Variants in RGS7 observed in about 807,000 individuals in gnomAD.
The protein encoded by RGS7 is regulator of G-protein signaling 7.
In RGS7, 27 loss-of-function variants were observed where a neutral mutation model predicts 81.1. That is an observed-to-expected ratio of 0.33 (90% CI 0.25 to 0.46). The LOEUF (loss-of-function observed/expected upper bound fraction) is 0.46. Among genes scored for constraint, RGS7 ranks in the 20% least tolerant of loss-of-function variants. The pLI is 1.00. For synonymous variants in RGS7, 208 were observed against 207.7 expected, an observed-to-expected ratio of 1.00 and a Z score of -0.01; for missense variants, 396 against 607.4, an observed-to-expected ratio of 0.65 and a Z score of 3.66.
chr1:241,089,019 C>CTCTCTCTCTCT (rs1558700011), intron 3 of RGS7, among the ~76,000 whole-genome samples: 4 of 105,066 alleles, frequency 3.8e-5, no homozygotes, highest in East Asian at 2.5e-4. Flanking sequence ...GAGCAAGACT[C>CTCTCTCTCTCT]CATCTCTCTC....
chr1:241,222,673 C>G (rs764051419), intron 2 of RGS7, among the ~76,000 whole-genome samples: 1 of 152,198 alleles, frequency 6.6e-6, no homozygotes, highest in Non-Finnish European at 1.5e-5. Flanking sequence ...ATGATTCTCA[C>G]ATTTTAAATG....
chr1:241,110,169 A>G (rs917784256), intron 2 of RGS7, among the ~76,000 whole-genome samples: 1 of 152,152 alleles, frequency 6.6e-6, no homozygotes, highest in African/African-American at 2.4e-5. Context: ...ATCTCTTTTT[A>G]CAACCTTTTA....
At chr1:241,013,850 G>A (rs763215376) in intron 3 of RGS7, among the ~76,000 whole-genome samples, 2 of 152,190 alleles carry the variant, frequency 1.3e-5, no homozygotes, top group African/African-American at 4.8e-5. Flanking sequence ...TATCATGTTC[G>A]TAAAAGACAT....
intron 3 of RGS7, among the ~76,000 whole-genome samples, chr1:241,081,131 G>A (rs1057053953): frequency 6.6e-6 from 1 of 152,092 alleles, no homozygotes; most frequent in Non-Finnish European, 1.5e-5. Context: ...TGCTGAACCT[G>A]CCCTCCCAAA....
chr1:240,908,132 G>T (rs1447271228), intron 6 of RGS7, among the ~76,000 whole-genome samples: 5 of 149,578 alleles, frequency 3.3e-5, no homozygotes, highest in African/African-American at 1.2e-4. Context: ...CTCACTCGTA[G>T]GTGGGAACTG....
chr1:240,994,966 G>GC (rs1687050793), intron 3 of RGS7, among the ~76,000 whole-genome samples: 1 of 152,080 alleles, frequency 6.6e-6, no homozygotes, highest in East Asian at 1.9e-4. Flanking sequence ...ATGAACCACA[G>GC]CACCTGGCCT....
intron 2 of RGS7, among the ~76,000 whole-genome samples, chr1:241,312,283 A>T (rs1375562241): frequency 6.6e-6 from 1 of 152,234 alleles, no homozygotes; most frequent in Non-Finnish European, 1.5e-5. Flanking sequence ...CTAGTGAGAG[A>T]AACAGACTAC....
At chr1:241,007,654 T>C (rs191996439) in intron 3 of RGS7, among the ~76,000 whole-genome samples, 104 of 152,320 alleles carry the variant, frequency 6.8e-4, no homozygotes, top group African/African-American at 2.4e-3. Flanking sequence ...GTATGTGTAT[T>C]CCTTATTTTT....
At chr1:240,852,900 G>A (rs144040862) in intron 9 of RGS7, among the ~76,000 whole-genome samples, 1 of 152,316 alleles carries the variant, frequency 6.6e-6, no homozygotes, top group East Asian at 1.9e-4. Flanking sequence ...GAAACTTGAT[G>A]AAGGAAAAGA....
intron 6 of RGS7, among the ~76,000 whole-genome samples, chr1:240,874,581 T>A (rs1665040443): frequency 1.3e-5 from 2 of 152,228 alleles, no homozygotes; most frequent in Admixed American, 6.5e-5. Context: ...TATTTTAACA[T>A]TAAAAATTTT....
chr1:240,937,440 C>A (rs1286720871), intron 4 of RGS7, among the ~76,000 whole-genome samples: 1 of 152,184 alleles, frequency 6.6e-6, no homozygotes, highest in Non-Finnish European at 1.5e-5. Context: ...CTCTTTCTCA[C>A]AAGACACTAA....
chr1:241,082,448 TTCGAACATTCTGGTGA>T (rs1255496442), intron 3 of RGS7, among the ~76,000 whole-genome samples: 1 of 152,232 alleles, frequency 6.6e-6, no homozygotes, highest in East Asian at 1.9e-4. Flanking sequence ...GTACTGTTCC[TTCGAACATTCTGGTGA>T]AAATAAGTCA....
chr1:241,350,649 T>C lies in RGS7; in HGVS notation c.78+5050A>G, dbSNP rs1231966350. 3.4e-5 allele frequency among the ~76,000 whole-genome samples: 5 copies of C among 148,404 alleles called. No individual in the cohort carries two copies. The East Asian group carries it at 1.0e-3, about 30-fold the overall frequency. Reference sequence around the variant, plus strand: ...TCAACTGGGCACGGTGGTGCATACCTATACTCCCAGCTACTCAGAAGGCTA... The same window carrying C: ...TCAACTGGGCACGGTGGTGCATACCCATACTCCCAGCTACTCAGAAGGCTA... On this transcript the variant is annotated intron_variant, in intron 2 of 18. Transcript: ENST00000440928.
intron 6 of RGS7, among the ~76,000 whole-genome samples, chr1:240,874,650 T>C (rs1665056967): frequency 6.6e-6 from 1 of 152,200 alleles, no homozygotes; most frequent in Non-Finnish European, 1.5e-5. Context: ...CTACGTGATG[T>C]TTTAATATAG....
At chr1:240,808,326 G>A (rs576928155) in intron 14 of RGS7, among the ~76,000 whole-genome samples, 1 of 152,138 alleles carries the variant, frequency 6.6e-6, no homozygotes, top group Non-Finnish European at 1.5e-5. Context: ...GGGGGATCTA[G>A]ACAAAGCTAT....
At chr1:241,276,274 A>G (rs1167604955) in intron 2 of RGS7, among the ~76,000 whole-genome samples, 1 of 152,216 alleles carries the variant, frequency 6.6e-6, no homozygotes, top group Admixed American at 6.5e-5. Context: ...GTCCTAATAC[A>G]GATCAACGAT....
intron 9 of RGS7, among the ~76,000 whole-genome samples, chr1:240,835,580 T>C (rs1048224395): frequency 1.3e-5 from 2 of 152,194 alleles, no homozygotes; most frequent in South Asian, 2.1e-4. Flanking sequence ...TCATCCTCAT[T>C]GGCATTTACC....
intron 14 of RGS7, among the ~76,000 whole-genome samples, chr1:240,809,380 G>T (rs1234413382): frequency 6.6e-6 from 1 of 152,152 alleles, no homozygotes; most frequent in Non-Finnish European, 1.5e-5. Context: ...GTTTAGGTAA[G>T]ATGCACGGAG....
chr1:241,320,607 T>C (rs927675440), intron 2 of RGS7, among the ~76,000 whole-genome samples: 3 of 152,266 alleles, frequency 2.0e-5, no homozygotes, highest in Non-Finnish European at 1.5e-5. Flanking sequence ...ATTCAATCTA[T>C]ACATTTAATT....
Sources: gnomAD v4.1 joint callset for allele counts (sites outside exome capture counted in the v4.1 genomes callset) on GRCh38, gnomAD v4.1.1 for gene constraint, MANE v1.5 for transcripts, NCBI Gene and HGNC (gene_info 2026-07-23, HGNC 2026-07-21) for gene names.